The following ST3GAL1 variants were observed in gnomAD, a reference collection of about 807,000 sequenced individuals.
ST3GAL1 encodes CMP-N-acetylneuraminate-beta-galactosamide-alpha-2,3-sialyltransferase 1.
A neutral mutation model predicts 34.1 loss-of-function variants in ST3GAL1; 16 were observed. That is an observed-to-expected ratio of 0.47 (90% CI 0.32 to 0.71). The LOEUF is 0.71. Ranked by LOEUF, ST3GAL1 falls within the 30% of genes least tolerant of loss-of-function variation. The probability of loss-of-function intolerance (pLI) is 0.04; values close to 1 mark genes in which losing one functional copy is unlikely to be tolerated. For missense variants in ST3GAL1, 353 were observed against 447.4 expected (o/e 0.79, Z 1.90); for synonymous variants, 191 against 184.7 (o/e 1.03, Z -0.28).
At chr8:133,536,074 A>T (rs1818302546) in intron 2 of ST3GAL1, among the ~76,000 whole-genome samples, 1 of 152,202 alleles carries the variant, frequency 6.6e-6, no homozygotes, top group African/African-American at 2.4e-5. Flanking sequence ...AACTGAGATC[A>T]AGAGAAGATA....
intron 3 of ST3GAL1, among the ~76,000 whole-genome samples, chr8:133,487,110 T>G (rs1816632610): frequency 6.6e-6 from 1 of 152,084 alleles, no homozygotes; most frequent in Admixed American, 6.5e-5. Context: ...CTGGTTCATT[T>G]TTGTATTTTT....
chr8:133,551,841 CA>C (rs1461849379), intron 1 of ST3GAL1, among the ~76,000 whole-genome samples: 1 of 152,228 alleles, frequency 6.6e-6, no homozygotes, highest in African/African-American at 2.4e-5. Flanking sequence ...CCTTTATACT[CA>C]AAAGCTCAGT....
At chr8:133,525,682 C>T (rs893264791) in intron 2 of ST3GAL1, among the ~76,000 whole-genome samples, 12 of 152,166 alleles carry the variant, frequency 7.9e-5, no homozygotes, top group East Asian at 1.9e-4. Flanking sequence ...CTGTGCCTGT[C>T]GGTGACCAAA....
At chr8:133,496,887 T>G (rs567461309) in intron 3 of ST3GAL1, among the ~76,000 whole-genome samples, 1 of 152,346 alleles carries the variant, frequency 6.6e-6, no homozygotes, top group Admixed American at 6.5e-5. Context: ...GAGCCCTTCT[T>G]TTTTAACAAC....
chr8:133,541,092 TAAAC>T (rs1440772300), intron 2 of ST3GAL1, among the ~76,000 whole-genome samples: 3,831 of 76,390 alleles, frequency 0.05, 327 homozygotes, highest in Non-Finnish European at 0.062. Flanking sequence ...CATATATATA[TAAAC>T]ATATATATAT....
intron 3 of ST3GAL1, among the ~76,000 whole-genome samples, chr8:133,496,122 G>A (rs1816939079): frequency 6.6e-6 from 1 of 152,218 alleles, no homozygotes; most frequent in Non-Finnish European, 1.5e-5. Context: ...GAGTCACACA[G>A]CGCAGGAGTT....
chr8:133,559,267 C>T (rs1301318120), intron 1 of ST3GAL1, among the ~76,000 whole-genome samples: 1 of 152,144 alleles, frequency 6.6e-6, no homozygotes, highest in Non-Finnish European at 1.5e-5. Context: ...CTATCGATGT[C>T]ATTAAATGAG....
chr8:133,495,059 C>T (rs904763821), intron 3 of ST3GAL1, among the ~76,000 whole-genome samples: 1 of 151,888 alleles, frequency 6.6e-6, no homozygotes, highest in Admixed American at 6.6e-5. Context: ...GCTGGGACTA[C>T]AGGTGTGTGC....
Position 133,556,226 on chromosome 8 carries a change from C to T in ST3GAL1, c.-581-10300G>A, listed in dbSNP as rs1192568166. On this transcript the variant is annotated intron_variant, in intron 1 of 9. Coordinates refer to ENST00000522652, the MANE Select transcript of ST3GAL1 (RefSeq NM_173344.3). The surrounding 1 kb of genome is among the most constrained non-coding windows in gnomAD (Gnocchi z 8.9). The stretch of plus-strand genomic sequence containing the variant: ...TTTCTTTTTGAATCTCCACTCTCAC[C>T]CAGGAAGATGAGTTGGTGTCACCCC... Among the ~76,000 whole-genome samples the T allele has an allele frequency of 1.3e-5, 2 of 152,100 alleles. No homozygotes were observed. Among genetic ancestry groups the T allele is most frequent in the African/African-American group, 4.8e-5 (2 of 41,416 alleles).
At position 133,458,177 on chromosome 8, in the gene ST3GAL1, G is replaced by T. The variant is rs562849740; in HGVS notation, c.*1587C>A. ...GCCCTAGATACCCCCAATATCCCACGTCCGAGGACTCCTACAAACCTCCCT... is the reference window on the plus strand; with the variant it reads ...GCCCTAGATACCCCCAATATCCCACTTCCGAGGACTCCTACAAACCTCCCT... On this transcript the variant is annotated 3_prime_UTR_variant, in exon 10 of 10. Coordinates refer to ENST00000522652, the MANE Select transcript of ST3GAL1 (RefSeq NM_173344.3). The T allele has an allele frequency of 7.2e-5, 11 of 152,108 alleles. No individual in the cohort carries two copies. The highest frequency in any genetic ancestry group is 2.7e-4 in the African/African-American group (11 of 41,404). The allele number at this position is 152,108 out of a possible 1,614,324, so 9.4% of individuals were successfully genotyped here.
At chr8:133,562,850 CTT>C (rs11374505) in intron 1 of ST3GAL1, among the ~76,000 whole-genome samples, 12,697 of 106,252 alleles carry the variant, frequency 0.12, 987 homozygotes, top group Middle Eastern at 0.22. Context: ...TCCTTTCTTT[CTT>C]TTTTTTTTTT....
intron 6 of ST3GAL1, among the ~76,000 whole-genome samples, chr8:133,465,403 C>T (rs1815696085): frequency 6.6e-6 from 1 of 152,182 alleles, no homozygotes; most frequent in Non-Finnish European, 1.5e-5. Context: ...CAGCCCCCAC[C>T]CCTGCACTTC....
Position 133,467,149 on chromosome 8 carries a change from C to A in ST3GAL1, c.307-1059G>T, listed in dbSNP as rs1011230387. ...GGGTCAGCTGCTCGCAGATTGAATG[C>A]CAGTCTTATTCCAGGGTGACTAAAT... is the stretch of plus-strand genomic sequence containing the variant. On this transcript the variant is annotated intron_variant, in intron 5 of 9. Coordinates refer to ENST00000522652, the MANE Select transcript of ST3GAL1 (RefSeq NM_173344.3). The surrounding 1 kb of genome is among the most constrained non-coding windows in gnomAD (Gnocchi z 4.2). Among the ~76,000 whole-genome samples the A allele has an allele frequency of 1.3e-4, 19 of 151,674 alleles. No homozygotes were observed. Among genetic ancestry groups the A allele is most frequent in the African/African-American group, 4.6e-4 (19 of 41,266 alleles).
chr8:133,544,582 AC>A (rs1259192728), intron 2 of ST3GAL1, among the ~76,000 whole-genome samples: 3 of 151,690 alleles, frequency 2.0e-5, no homozygotes, highest in Admixed American at 2.0e-4. Flanking sequence ...CCATATATCT[AC>A]CCCTTGGGAA....
At chr8:133,511,512 C>T (rs1817496641) in intron 2 of ST3GAL1, among the ~76,000 whole-genome samples, 2 of 152,188 alleles carry the variant, frequency 1.3e-5, no homozygotes, top group South Asian at 4.1e-4. Context: ...CTTATCATCT[C>T]TCCATATTTA....
At chr8:133,559,035 T>TTGTGTGTGTGTG (rs34571050) in intron 1 of ST3GAL1, among the ~76,000 whole-genome samples, 3 of 149,148 alleles carry the variant, frequency 2.0e-5, no homozygotes, top group Admixed American at 1.3e-4. Context: ...GAGTGTGGTT[T>TTGTGTGTGTGTG]TGTGTGTGTG....
At chr8:133,472,273 C>A (rs1815999279) in intron 5 of ST3GAL1, among the ~76,000 whole-genome samples, 1 of 152,196 alleles carries the variant, frequency 6.6e-6, no homozygotes, top group Non-Finnish European at 1.5e-5. Context: ...AATTGTGATG[C>A]CCACTTGACT....
rs374603435 is a variant in ST3GAL1, at chr8:133,553,949, G to A, written c.-581-8023C>T. Among the ~76,000 whole-genome samples the A allele has an allele frequency of 7.9e-5, 12 of 152,306 alleles. No individual in the cohort carries two copies. The South Asian group carries it at 2.1e-3, about 26-fold the overall frequency. ...AGGGTGCTAAGGGGGCCAGGAGGAA[G>A]AGACACAAGGGAGAAGAGTACAGGG... is the stretch of plus-strand genomic sequence containing the variant. On this transcript the variant is annotated intron_variant, in intron 1 of 9. Coordinates refer to ENST00000522652, the MANE Select transcript of ST3GAL1 (RefSeq NM_173344.3).
In ST3GAL1 at chr8:133,463,476, A is replaced by G. The variant is rs1336839436; in HGVS notation, c.684-17T>C. ...ATGTAGGTGCTGCAGTTGGAGAAAG[A>G]GAAGCTGGTTAATGGGGCAGGGGAC... On this transcript the variant is annotated splice_polypyrimidine_tract_variant and intron_variant, in intron 7 of 9. Coordinates refer to ENST00000522652, the MANE Select transcript of ST3GAL1 (RefSeq NM_173344.3). The G allele has an allele frequency of 3.1e-6, 5 of 1,613,582 alleles. No homozygotes were observed. The highest frequency in any genetic ancestry group is 1.7e-5 in the Admixed American group (1 of 59,990).
Sources: allele counts gnomAD v4.1 joint callset (sites outside exome capture counted in the v4.1 genomes callset), GRCh38; gene constraint gnomAD v4.1.1; non-coding constraint Gnocchi (gnomAD v3.1); transcripts MANE v1.5; gene names NCBI Gene and HGNC (gene_info 2026-07-23, HGNC 2026-07-21).